Variants in RYR1 observed in about 807,000 individuals in gnomAD.
RYR1 encodes central core disease of muscle.
In RYR1, 342 loss-of-function variants were observed where a neutral mutation model predicts 583.5. That is an observed-to-expected ratio of 0.59 (90% CI 0.54 to 0.64). RYR1 has a LOEUF of 0.64. Among genes scored for constraint, RYR1 ranks in the 30% least tolerant of loss-of-function variants. The pLI is 0.00. For synonymous variants in RYR1, 2,791 were observed against 2,822.5 expected (o/e 0.99, Z 0.35); for missense variants, 6,032 against 6,917.2 (o/e 0.87, Z 4.54).
rs1277398138 is a variant in RYR1, at chr19:38,577,980, C to A, written c.14235C>A (p.Asp4745Glu). Residue 4745 changes from aspartate to glutamate, a missense_variant, in exon 98 of 106, where the codon GAC becomes GAA. Asp to Glu is a conservative substitution (Grantham distance 45). Coordinates refer to ENST00000359596, the MANE Select transcript of RYR1 (RefSeq NM_000540.3). ...GGATTGCTGAGCTACTGGGCATGGACCTGGCCACACTAGAGATCACAGCCC... is the reference window on the plus strand; with the variant it reads ...GGATTGCTGAGCTACTGGGCATGGAACTGGCCACACTAGAGATCACAGCCC... Reference protein sequence around the residue: ...RERIAELLGMDLATLEITAHN... With the variant: ...RERIAELLGMELATLEITAHN... 1 of 1,614,098 alleles carries A rather than the reference C, an allele frequency of 6.2e-7. No individual in the cohort carries two copies. Among genetic ancestry groups the A allele is most frequent in the Non-Finnish European group, 8.5e-7 (1 of 1,180,036 alleles).
In RYR1 at chr19:38,469,115, C is replaced by T. The variant is rs762703365; in HGVS notation, c.3531C>T (p.Ala1177=). 2.5e-6 allele frequency: 4 copies of T among 1,614,070 alleles called. No homozygotes were observed. The highest frequency in any genetic ancestry group is 2.7e-5 in the African/African-American group (2 of 74,920). Residue 1177 remains alanine, a synonymous_variant, in exon 26 of 106, where the codon GCC becomes GCT. Coordinates refer to ENST00000359596, the MANE Select transcript of RYR1 (RefSeq NM_000540.3). ...TGTCTGACTCAGGCTCCGAAACAGCCTTCCGGGAGATTGAGATTGGGGACG... is the reference window on the plus strand; with the variant it reads ...TGTCTGACTCAGGCTCCGAAACAGCTTTCCGGGAGATTGAGATTGGGGACG... ...VLMSDSGSET[A]FREIEIGDGF... is the part of the protein sequence containing the mutation.
chr19:38,459,413 A>T, intron 19 of RYR1, 75 bp downstream of exon 19: 1 of 1,416,946 alleles, frequency 7.1e-7, no homozygotes, highest in Non-Finnish European at 9.8e-7. Flanking sequence ...CAGTCACTCC[A>T]TGGTCCCCCA....
At position 38,459,245 on chromosome 19, in the gene RYR1, T is replaced by C. The variant is rs1241722640; in HGVS notation, c.2267T>C (p.Phe756Ser). 6.2e-7 allele frequency: 1 copy of C among 1,614,052 alleles called. No individual in the cohort carries two copies. The highest frequency in any genetic ancestry group is 1.7e-5 in the Admixed American group (1 of 60,014). The change falls in exon 19 of 106, where the codon TTC (phenylalanine) becomes TCC (serine). Residue 756 changes from phenylalanine to serine, a missense_variant. Physicochemically the swap from Phe to Ser is radical, Grantham distance 155. Coordinates refer to ENST00000359596, the MANE Select transcript of RYR1 (RefSeq NM_000540.3). ...CLDLSVPSIS[F>S]RINGCPVQGV... is the part of the protein sequence containing the mutation. Reference sequence around the variant, plus strand: ...GACCTCAGCGTGCCGTCCATCTCCTTCCGCATCAACGGCTGCCCCGTGCAG... The same window carrying C: ...GACCTCAGCGTGCCGTCCATCTCCTCCCGCATCAACGGCTGCCCCGTGCAG...
Position 38,496,461 on chromosome 19 carries a change from T to G in RYR1, c.6716T>G (p.Phe2239Cys). The change falls in exon 41 of 106, where the codon TTC (phenylalanine) becomes TGC (cysteine). Residue 2239 changes from phenylalanine (F) to cysteine (C), a missense_variant. Phe to Cys is a radical substitution (Grantham distance 205). This residue lies in a region of RYR1 where 2,627 missense variants were observed against 2,961.3 expected (regional missense o/e 0.89). Transcript: ENST00000359596. The surrounding 1 kb of genome is among the most constrained non-coding windows in gnomAD (Gnocchi z 4.8). ...AGCTGCTGCCGCTTCCTCTGCTATT[T>G]CTGCCGAATCAGCCGGCAGAACCAG... ...VTSCCRFLCYFCRISRQNQRS... is the reference protein window; with the variant it reads ...VTSCCRFLCYCCRISRQNQRS... 1 of 1,613,792 alleles carries G rather than the reference T, an allele frequency of 6.2e-7. No homozygotes were observed. Among genetic ancestry groups the G allele is most frequent in the Non-Finnish European group, 8.5e-7 (1 of 1,180,018 alleles).
intron 89 of RYR1, among the ~76,000 whole-genome samples, chr19:38,555,241 A>T (rs1972829842): frequency 6.6e-6 from 1 of 152,124 alleles, no homozygotes. Context: ...GTTTGAGTCC[A>T]GGTGTTTGAG....
rs1391189382 is a variant in RYR1 at position 38,531,351 on chromosome 19, C to A, written c.11142-1139C>A. Among the ~76,000 whole-genome samples, 6 of 151,988 alleles carry A rather than the reference C, an allele frequency of 3.9e-5. No individual in the cohort carries two copies. The East Asian group carries it at 1.2e-3, about 29-fold the overall frequency. Reference sequence around the variant, plus strand: ...GAGAAGGGTCTTTGTATCTTAGTTCCCCCACCGATAAAATAGGGCTATTAA... The same window carrying A: ...GAGAAGGGTCTTTGTATCTTAGTTCACCCACCGATAAAATAGGGCTATTAA... On this transcript the variant is annotated intron_variant, in intron 76 of 105. Transcript: ENST00000359596.
intron 58 of RYR1, among the ~76,000 whole-genome samples, chr19:38,509,796 CA>C (rs1272797034): frequency 1.3e-5 from 2 of 150,988 alleles, no homozygotes; most frequent in East Asian, 3.9e-4. Context: ...TGACTGTCAC[CA>C]TTATTATTGT....
At chr19:38,586,708 C>T (rs919320656) in intron 105 of RYR1, 132 bp downstream of exon 105, 14 of 885,992 alleles carry the variant, frequency 1.6e-5, no homozygotes, top group East Asian at 5.1e-5. Flanking sequence ...CGGCGGCTCA[C>T]GCCTGTAATC....
In RYR1 at chr19:38,573,275, G is replaced by A. The variant is rs1162281968; in HGVS notation, c.14097G>A (p.Lys4699=). Residue 4699 remains lysine (K), a synonymous_variant, in exon 96 of 106, where the codon AAG becomes AAA. Coordinates refer to ENST00000359596, the MANE Select transcript of RYR1 (RefSeq NM_000540.3). ...ITEQPEDDDV[K]GQWDRLVLNT... ...AGCAGCCTGAGGACGATGACGTGAA[G>A]GGGCAGTGGGACCGACTGGTGCTCA... The A allele has an allele frequency of 6.2e-7, 1 of 1,613,958 alleles. No homozygotes were observed. Among genetic ancestry groups the A allele is most frequent in the Admixed American group, 1.7e-5 (1 of 60,006 alleles).
In RYR1 at chr19:38,490,198, C is replaced by T. The variant is rs781673519; in HGVS notation, c.5937C>T (p.Leu1979=). ...CCAACCAGCGGAGCCGCTATGGCCT[C>T]CTCATAAAAGCCTTCAGCATGACCG... ...LQANQRSRYG[L]LIKAFSMTAA... The change falls in exon 36 of 106, where the codon CTC becomes CTT. Residue 1979 remains leucine, a synonymous_variant. Coordinates refer to ENST00000359596, the MANE Select transcript of RYR1 (RefSeq NM_000540.3). The T allele has an allele frequency of 1.2e-6, 2 of 1,614,222 alleles. No individual in the cohort carries two copies. Among genetic ancestry groups the T allele is most frequent in the East Asian group, 2.2e-5 (1 of 44,884 alleles).
intron 24 of RYR1, 134 bp from the exon 25 acceptor site, chr19:38,467,476 C>T (rs1173277473): frequency 1.0e-6 from 1 of 987,896 alleles, no homozygotes; most frequent in African/African-American, 1.6e-5. Flanking sequence ...CCTCTAACTC[C>T]AAGAAATTGA....
chr19:38,471,292 G>A (rs1458662901), intron 27 of RYR1, among the ~76,000 whole-genome samples: 1 of 152,224 alleles, frequency 6.6e-6, no homozygotes, highest in Non-Finnish European at 1.5e-5. Flanking sequence ...ACTGTGGGAA[G>A]CCAAGGTGGG....
chr19:38,531,539 C>A (rs1353272386), intron 76 of RYR1, among the ~76,000 whole-genome samples: 5 of 151,900 alleles, frequency 3.3e-5, no homozygotes, highest in Non-Finnish European at 7.4e-5. Flanking sequence ...ATTGAGCTGA[C>A]AGGTGGCAAG....
chr19:38,554,957 G>T (rs1261142441), intron 89 of RYR1, among the ~76,000 whole-genome samples: 2 of 152,202 alleles, frequency 1.3e-5, no homozygotes, highest in South Asian at 2.1e-4. Context: ...CAGTTCAGTG[G>T]TTTATAGTGT....
rs550360145 is a variant in RYR1 at position 38,561,040 on chromosome 19, T to TAA, written c.12283-57_12283-56dup. The TAA allele has an allele frequency of 2.8e-3, 3,239 of 1,157,784 alleles. No homozygotes were observed. Among genetic ancestry groups the TAA allele is most frequent in the East Asian group, 6.6e-3 (254 of 38,246 alleles). The allele number at this position is 1,157,784 out of a possible 1,614,324, so 71.7% of individuals were successfully genotyped here. A position where few individuals can be genotyped will look rare whatever the true frequency, so the allele number is the denominator to read the frequency against. Reference sequence around the variant, plus strand: ...TGGGCGACACAGCGAGACCTTGTCTTAAAAAAAAAAAAAAAAAGAGAGAGA... The same window carrying TAA: ...TGGGCGACACAGCGAGACCTTGTCTTAAAAAAAAAAAAAAAAAAAGAGAGAGA... On this transcript the variant is annotated intron_variant, in intron 89 of 105. Transcript: ENST00000359596. The surrounding 1 kb of genome is among the most constrained non-coding windows in gnomAD (Gnocchi z 4.8).
intron 60 of RYR1, among the ~76,000 whole-genome samples, chr19:38,511,047 A>G (rs1283346553): frequency 1.3e-5 from 2 of 152,054 alleles, no homozygotes; most frequent in Non-Finnish European, 2.9e-5. Context: ...TGTAATTCCA[A>G]CACTTTGGGA....
chr19:38,560,232 A>G (rs1973064813), intron 89 of RYR1, among the ~76,000 whole-genome samples: 1 of 152,114 alleles, frequency 6.6e-6, no homozygotes, highest in Non-Finnish European at 1.5e-5. Flanking sequence ...GCACAGTGGC[A>G]TGCACCTGTA....
rs1971424152 is a variant in RYR1, at chr19:38,525,421, G to C, written c.10545G>C (p.Lys3515Asn). 2 of 1,614,012 alleles carry C rather than the reference G, an allele frequency of 1.2e-6. No individual in the cohort carries two copies. The highest frequency in any genetic ancestry group is 1.7e-6 in the Non-Finnish European group (2 of 1,179,966). Residue 3515 changes from lysine (K) to asparagine (N), a missense_variant, in exon 71 of 106, where the codon AAG (lysine) becomes AAC (asparagine). Lys to Asn is a moderately conservative substitution (Grantham distance 94). Around this residue, in one of 11 missense-constraint regions of RYR1, gnomAD observed 1,493 missense variants for 1,715.5 expected, o/e 0.87. Coordinates refer to ENST00000359596, the MANE Select transcript of RYR1 (RefSeq NM_000540.3). ...VQTSLIVATL[K>N]KMLPIGLNMC... ...CGTCACTGATCGTGGCCACACTGAA[G>C]AAGATGCTGCCCATCGGCCTGAATA...
chr19:38,559,850 C>A (rs996687991), intron 89 of RYR1, among the ~76,000 whole-genome samples: 2 of 151,930 alleles, frequency 1.3e-5, no homozygotes, highest in Non-Finnish European at 2.9e-5. Context: ...TAACTCGTGA[C>A]CAGCATCTTT....
Sources: gnomAD v4.1 joint callset for allele counts (sites outside exome capture counted in the v4.1 genomes callset) on GRCh38, gnomAD v4.1.1 for gene constraint, gnomAD v4.1.1 regional missense constraint, Gnocchi (gnomAD v3.1) non-coding constraint, MANE v1.5 for transcripts, NCBI Gene and HGNC (gene_info 2026-07-23, HGNC 2026-07-21) for gene names.